The following ZNF33A variants were observed in gnomAD, a reference collection of about 807,000 sequenced individuals.
ZNF33A encodes zinc finger protein 33A, also known as brain my041 protein.
Under a neutral mutation model 15.9 loss-of-function variants are expected in ZNF33A, and 9 were observed. The ratio of observed to expected loss-of-function variants is 0.57; its 90% CI spans 0.34 to 0.99. The LOEUF (loss-of-function observed/expected upper bound fraction) is 0.99. ZNF33A is among the 50% of genes least tolerant of loss of function. The pLI, the probability that ZNF33A is intolerant of heterozygous loss-of-function variation, is 0.02. For synonymous variants in ZNF33A, 294 were observed against 324.2 expected (o/e 0.91, Z 1.00); for missense variants, 843 against 941.6 (o/e 0.90, Z 1.37).
intron 4 of ZNF33A, among the ~76,000 whole-genome samples, chr10:38,044,397 AC>A (rs2065862445): frequency 6.6e-6 from 1 of 151,454 alleles, no homozygotes; most frequent in Admixed American, 6.6e-5. Context: ...TTTAGTAGAG[AC>A]GGGGTTTCAC....
At chr10:38,019,910 T>TTGGGGGAGATAAA (rs2064660122) in intron 4 of ZNF33A, among the ~76,000 whole-genome samples, 3 of 152,298 alleles carry the variant, frequency 2.0e-5, no homozygotes, top group Admixed American at 2.0e-4. Context: ...CAATTATATT[T>TTGGGGGAGATAAA]TAAAAGTGGG....
intron 4 of ZNF33A, among the ~76,000 whole-genome samples, chr10:38,049,205 A>G (rs2066087656): frequency 6.6e-6 from 1 of 152,170 alleles, no homozygotes; most frequent in Non-Finnish European, 1.5e-5. Context: ...TCAAAGGGGA[A>G]ATTAGAAAGT....
chr10:38,061,542 G>A (rs1459906584), downstream of ZNF33A, among the ~76,000 whole-genome samples: 2 of 152,136 alleles, frequency 1.3e-5, no homozygotes, highest in Non-Finnish European at 2.9e-5. Context: ...CATGGGGCCT[G>A]ATGGCCTACA....
At chr10:38,063,879 G>C (rs1041272207), downstream of ZNF33A, among the ~76,000 whole-genome samples, 1 of 152,158 alleles carries the variant, frequency 6.6e-6, no homozygotes, top group Non-Finnish European at 1.5e-5. Flanking sequence ...AGGATGTGAC[G>C]ATTGCAGGGA....
chr10:38,060,301 G>A (rs919723532), downstream of ZNF33A, among the ~76,000 whole-genome samples: 6 of 152,110 alleles, frequency 3.9e-5, no homozygotes, highest in Non-Finnish European at 8.8e-5. Flanking sequence ...CACAGGTGAG[G>A]TAACTTAGCA....
intron 4 of ZNF33A, among the ~76,000 whole-genome samples, chr10:38,027,463 C>G (rs1024850118): frequency 6.6e-6 from 1 of 152,038 alleles, no homozygotes; most frequent in African/African-American, 2.4e-5. Flanking sequence ...AAGTGATCCT[C>G]CCCATTCATC....
intron 4 of ZNF33A, among the ~76,000 whole-genome samples, chr10:38,047,666 C>T (rs1246424322): frequency 6.4e-5 from 6 of 94,336 alleles, no homozygotes; most frequent in African/African-American, 2.3e-4. Context: ...AAAAAAAAAG[C>T]AAGCCCCTGT....
At position 38,035,080 on chromosome 10, in the gene ZNF33A, T is replaced by TG. The variant is rs2065381303; in HGVS notation, c.250+17696dup. Among the ~76,000 whole-genome samples, 5 of 150,382 alleles carry TG rather than the reference T, an allele frequency of 3.3e-5. No individual in the cohort carries two copies. The South Asian group carries it at 1.1e-3, about 32-fold the overall frequency. On this transcript the variant is annotated intron_variant, in intron 4 of 4. Transcript: ENST00000432900. Reference sequence around the variant, plus strand: ...TTACCATACCCAACAGTAAGAAATCTGGCTCTAACCATCCATCATCCATTT... The same window carrying TG: ...TTACCATACCCAACAGTAAGAAATCTGGGCTCTAACCATCCATCATCCATTT...
intron 1 of ZNF33A, among the ~76,000 whole-genome samples, chr10:38,011,222 C>T (rs1470947868): frequency 6.6e-6 from 1 of 152,338 alleles, no homozygotes; most frequent in Middle Eastern, 3.4e-3. Context: ...TCAGGTCCAT[C>T]ACTGCATCTT....
intron 4 of ZNF33A, among the ~76,000 whole-genome samples, chr10:38,052,322 C>G (rs910647869): frequency 2.0e-5 from 3 of 152,044 alleles, no homozygotes; most frequent in Non-Finnish European, 4.4e-5. Context: ...TATATATTAG[C>G]AATGATCAAT....
At chr10:38,011,339 C>T (rs995587150) in intron 1 of ZNF33A, among the ~76,000 whole-genome samples, 1 of 152,168 alleles carries the variant, frequency 6.6e-6, no homozygotes, top group Non-Finnish European at 1.5e-5. Flanking sequence ...AATCCCAGCA[C>T]TTTGGGAGGC....
intron 2 of ZNF33A, among the ~76,000 whole-genome samples, chr10:38,016,340 T>A (rs1467713189): frequency 6.6e-6 from 1 of 152,224 alleles, no homozygotes; most frequent in Non-Finnish European, 1.5e-5. Context: ...ACCCATTTCC[T>A]TGGCTTTTTT....
At chr10:38,037,744 C>G (rs1192060720) in intron 4 of ZNF33A, among the ~76,000 whole-genome samples, 1 of 152,134 alleles carries the variant, frequency 6.6e-6, no homozygotes, top group Non-Finnish European at 1.5e-5. Context: ...TTCCTCTATG[C>G]CAGTATCATA....
intron 4 of ZNF33A, among the ~76,000 whole-genome samples, chr10:38,050,615 C>T (rs1031745988): frequency 6.6e-6 from 1 of 152,146 alleles, no homozygotes; most frequent in Non-Finnish European, 1.5e-5. Context: ...CTGGGAGTGT[C>T]CTGGAATTGT....
At position 38,034,532 on chromosome 10, in the gene ZNF33A, C is replaced by G. The variant is rs559020934; in HGVS notation, c.250+17146C>G. On this transcript the variant is annotated intron_variant, in intron 4 of 4. Transcript: ENST00000432900. ...TGTCACATTATATCAAGCATGCATA[C>G]TGTCACCATGTTTTATGACTTTTGA... 2.0e-4 allele frequency among the ~76,000 whole-genome samples: 31 copies of G among 152,320 alleles called. No individual in the cohort carries two copies. The South Asian group carries it at 6.4e-3, about 32-fold the overall frequency.
chr10:38,029,832 A>G (rs1015859853), intron 4 of ZNF33A, among the ~76,000 whole-genome samples: 1 of 152,206 alleles, frequency 6.6e-6, no homozygotes, highest in African/African-American at 2.4e-5. Context: ...TAAAATAATG[A>G]AAAATGAACA....
intron 4 of ZNF33A, among the ~76,000 whole-genome samples, chr10:38,027,482 G>A (rs565440372): frequency 6.6e-6 from 1 of 151,826 alleles, no homozygotes; most frequent in East Asian, 1.9e-4. Flanking sequence ...TCCTGCTGAG[G>A]GGACTACAGC....
At position 38,055,437 on chromosome 10, in the gene ZNF33A, T is replaced by G. The variant is rs1564879790; in HGVS notation, c.1313T>G (p.Leu438Arg). 1 of 1,611,518 alleles carries G rather than the reference T, an allele frequency of 6.2e-7. No individual in the cohort carries two copies. Among genetic ancestry groups the G allele is most frequent in the African/African-American group, 1.3e-5 (1 of 74,212 alleles). Residue 438 changes from leucine to arginine, a missense_variant, in exon 5 of 5, where the codon CTG becomes CGG. By Grantham distance (102) the Leu-to-Arg change is moderately radical. Transcript: ENST00000432900. The part of the protein sequence containing the change: ...LTKHQRTHTG[L>R]KPYECYECGK... ...AAACATCAGAGAACACACACAGGGC[T>G]GAAACCCTATGAATGTTATGAATGT... is the stretch of plus-strand genomic sequence containing the variant.
At chr10:38,062,457 A>ACGG (rs1049806720), downstream of ZNF33A, among the ~76,000 whole-genome samples, 22 of 152,164 alleles carry the variant, frequency 1.4e-4, no homozygotes, top group Admixed American at 6.5e-4. Context: ...TCAACACCTA[A>ACGG]CGGCATGGTC....
Sources: gnomAD v4.1 joint callset for allele counts (sites outside exome capture counted in the v4.1 genomes callset) on GRCh38, gnomAD v4.1.1 for gene constraint, MANE v1.5 for transcripts, NCBI Gene and HGNC (gene_info 2026-07-23, HGNC 2026-07-21) for gene names.